KIF6: variants seen among roughly 807,000 people sequenced by gnomAD.
The protein encoded by KIF6 is kinesin family member 6.
Under a neutral mutation model 112.7 loss-of-function variants are expected in KIF6, and 106 were observed. The observed-to-expected ratio is 0.94, with a 90% CI of 0.80 to 1.11. The LOEUF is 1.11. KIF6 is among the 50% of genes least tolerant of loss of function. The probability of loss-of-function intolerance (pLI) is 0.00; values close to 1 mark genes in which losing one functional copy is unlikely to be tolerated. For missense variants in KIF6, 929 were observed against 964.0 expected, an observed-to-expected ratio of 0.96 and a Z score of 0.48; for synonymous variants, 339 against 339.9, an observed-to-expected ratio of 1.00 and a Z score of 0.03.
chr6:39,415,914 T>C (rs375633754), intron 15 of KIF6, among the ~76,000 whole-genome samples: 1 of 152,212 alleles, frequency 6.6e-6, no homozygotes, highest in South Asian at 2.1e-4. Context: ...TTGCTAGCTT[T>C]TCTAGTGTTT....
chr6:39,468,469 A>C (rs1469465776), intron 13 of KIF6, among the ~76,000 whole-genome samples: 1 of 152,176 alleles, frequency 6.6e-6, no homozygotes, highest in Non-Finnish European at 1.5e-5. Context: ...GAAAATCTTG[A>C]AAGCAGCAAG....
chr6:39,352,096 T>C (rs112385083), intron 19 of KIF6, among the ~76,000 whole-genome samples: 2,551 of 152,370 alleles, frequency 0.017, 42 homozygotes, highest in Middle Eastern at 0.037. Context: ...ATTCTGCTTC[T>C]GCAGTTTTAA....
intron 13 of KIF6, among the ~76,000 whole-genome samples, chr6:39,507,038 T>C: frequency 6.6e-6 from 1 of 152,210 alleles, no homozygotes; most frequent in South Asian, 2.1e-4. Context: ...AGTAACTTCT[T>C]GAGTTCTGTG....
At chr6:39,617,857 A>G (rs1783610243) in intron 5 of KIF6, 1 of 420,174 alleles carries the variant, frequency 2.4e-6, no homozygotes. Flanking sequence ...TATGTTTCAC[A>G]TGTTGTAAAC....
At chr6:39,448,591 T>C (rs1772487968) in intron 13 of KIF6, among the ~76,000 whole-genome samples, 1 of 152,186 alleles carries the variant, frequency 6.6e-6, no homozygotes, top group Non-Finnish European at 1.5e-5. Context: ...CCCTCCTGCC[T>C]GAAGCACTTC....
chr6:39,519,544 A>C (rs995399511), intron 13 of KIF6, among the ~76,000 whole-genome samples: 1 of 152,118 alleles, frequency 6.6e-6, no homozygotes, highest in Non-Finnish European at 1.5e-5. Flanking sequence ...AAAGTTTGAG[A>C]AATTCTACAT....
At chr6:39,515,642 G>A (rs1042906380) in intron 13 of KIF6, among the ~76,000 whole-genome samples, 1 of 152,114 alleles carries the variant, frequency 6.6e-6, no homozygotes, top group Non-Finnish European at 1.5e-5. Flanking sequence ...CCCGGAATAC[G>A]ACTAACATGT....
At chr6:39,542,806 G>A (rs1778861087) in intron 12 of KIF6, among the ~76,000 whole-genome samples, 1 of 152,180 alleles carries the variant, frequency 6.6e-6, no homozygotes, top group South Asian at 2.1e-4. Flanking sequence ...TGCTCCTGAA[G>A]AGTAGAAAGC....
chr6:39,659,767 G>C (rs2150809120), intron 3 of KIF6, among the ~76,000 whole-genome samples: 2 of 152,296 alleles, frequency 1.3e-5, no homozygotes, highest in South Asian at 4.2e-4. Context: ...GCAGAACTGT[G>C]AGTCAATTAA....
At chr6:39,641,501 G>A (rs1280954810) in intron 3 of KIF6, among the ~76,000 whole-genome samples, 2 of 151,992 alleles carry the variant, frequency 1.3e-5, no homozygotes, top group African/African-American at 2.4e-5. Flanking sequence ...TGTGAGGTGG[G>A]GGGACGGGGG....
intron 19 of KIF6, among the ~76,000 whole-genome samples, chr6:39,348,482 G>A (rs1763970845): frequency 6.6e-6 from 1 of 152,182 alleles, no homozygotes; most frequent in Admixed American, 6.5e-5. Flanking sequence ...AGCTGCTCAA[G>A]CATCCTGTTC....
chr6:39,546,382 C>A (rs1346706594), intron 10 of KIF6, among the ~76,000 whole-genome samples: 1 of 152,182 alleles, frequency 6.6e-6, no homozygotes, highest in African/African-American at 2.4e-5. Flanking sequence ...TAGTTAATTA[C>A]CTCTTTTCCC....
At chr6:39,484,032 G>T (rs1423009714) in intron 13 of KIF6, among the ~76,000 whole-genome samples, 1 of 152,186 alleles carries the variant, frequency 6.6e-6, no homozygotes, top group Non-Finnish European at 1.5e-5. Flanking sequence ...TGTGACAAAT[G>T]ATAATGAAGA....
At chr6:39,565,074 G>A (rs1366511454) in intron 10 of KIF6, among the ~76,000 whole-genome samples, 1 of 152,202 alleles carries the variant, frequency 6.6e-6, no homozygotes, top group Non-Finnish European at 1.5e-5. Context: ...AAAGCAAAGT[G>A]TCTAATTCTA....
At chr6:39,454,217 G>C (rs1391567962) in intron 13 of KIF6, among the ~76,000 whole-genome samples, 1 of 151,174 alleles carries the variant, frequency 6.6e-6, no homozygotes, top group African/African-American at 2.4e-5. Flanking sequence ...GACTCAAAAA[G>C]AAAAAAAGAG....
At chr6:39,580,764 A>G (rs965588270) in intron 9 of KIF6, among the ~76,000 whole-genome samples, 2 of 152,230 alleles carry the variant, frequency 1.3e-5, no homozygotes, top group Non-Finnish European at 2.9e-5. Context: ...ACTTAGCTTA[A>G]GTGAACATCC....
At chr6:39,339,055 C>T (rs1763183587) in intron 22 of KIF6, among the ~76,000 whole-genome samples, 1 of 152,106 alleles carries the variant, frequency 6.6e-6, no homozygotes, top group Non-Finnish European at 1.5e-5. Context: ...CAAAAGGCAC[C>T]ATTTCAAACT....
intron 19 of KIF6, among the ~76,000 whole-genome samples, chr6:39,353,218 C>A (rs1764392273): frequency 6.6e-6 from 1 of 152,154 alleles, no homozygotes; most frequent in Admixed American, 6.5e-5. Flanking sequence ...TGCTCAACAT[C>A]CTCACTGGCA....
intron 12 of KIF6, among the ~76,000 whole-genome samples, chr6:39,542,680 T>C (rs1778853232): frequency 6.6e-6 from 1 of 152,206 alleles, no homozygotes; most frequent in East Asian, 1.9e-4. Flanking sequence ...AAATCTTAGC[T>C]GCTATTCTTC....
Sources: allele counts gnomAD v4.1 joint callset (sites outside exome capture counted in the v4.1 genomes callset), GRCh38; gene constraint gnomAD v4.1.1; transcripts MANE v1.5; gene names NCBI Gene and HGNC (gene_info 2026-07-23, HGNC 2026-07-21).